ATP2B4: variants seen among roughly 807,000 people sequenced by gnomAD.
ATP2B4 encodes the protein ATPase plasma membrane Ca2+ transporting 4, also known as plasma membrane calcium-transporting ATPase 4.
A neutral mutation model predicts 110.3 loss-of-function variants in ATP2B4; 39 were observed. The ratio of observed to expected loss-of-function variants is 0.35; its 90% confidence interval spans 0.27 to 0.46. ATP2B4 has a LOEUF of 0.46. Ranked by LOEUF, ATP2B4 falls within the 20% of genes least tolerant of loss-of-function variation. The probability of loss-of-function intolerance (pLI) is 1.00; values close to 1 mark genes in which losing one functional copy is unlikely to be tolerated. For synonymous variants in ATP2B4, 538 were observed against 571.7 expected, an observed-to-expected ratio of 0.94 and a Z score of 0.84; for missense variants, 1,135 against 1,530.9, an observed-to-expected ratio of 0.74 and a Z score of 4.32.
At chr1:203,658,302 T>C (rs891335186) in intron 1 of ATP2B4, among the ~76,000 whole-genome samples, 1 of 151,306 alleles carries the variant, frequency 6.6e-6, no homozygotes, top group African/African-American at 2.4e-5. Context: ...GATGAAAGGA[T>C]CTTTTGAGCT....
chr1:203,643,862 T>C (rs1663709019), intron 1 of ATP2B4, among the ~76,000 whole-genome samples: 1 of 152,236 alleles, frequency 6.6e-6, no homozygotes, highest in Non-Finnish European at 1.5e-5. Context: ...CTCATCAGCC[T>C]GCAAGCTACT....
rs775405889 is a variant in ATP2B4, at chr1:203,709,453, A to G, written c.1710A>G (p.Ser570=). Residue 570 remains serine, a synonymous_variant, in exon 11 of 21, where the codon TCA becomes TCG. Transcript: ENST00000357681. Reference sequence around the variant, plus strand: ...TCTACAAGGTGTACACCTTTAACTCAGTGCGCAAGTCAATGAGCACCGTCA... The same window carrying G: ...TCTACAAGGTGTACACCTTTAACTCGGTGCGCAAGTCAATGAGCACCGTCA... The part of the protein sequence containing the change: ...EKLYKVYTFN[S]VRKSMSTVIR... The G allele has an allele frequency of 1.2e-6, 2 of 1,614,208 alleles. No individual in the cohort carries two copies. Among genetic ancestry groups the G allele is most frequent in the Non-Finnish European group, 1.7e-6 (2 of 1,180,042 alleles).
chr1:203,731,001 C>T (rs1666691170), intron 20 of ATP2B4, among the ~76,000 whole-genome samples: 2 of 152,222 alleles, frequency 1.3e-5, no homozygotes, highest in South Asian at 2.1e-4. Context: ...TTGTCATTCT[C>T]ATCGCAGTGC....
intron 7 of ATP2B4, 28 bp downstream of exon 7, chr1:203,702,107 T>A (rs1310700309): frequency 6.2e-7 from 1 of 1,613,330 alleles, no homozygotes; most frequent in Non-Finnish European, 8.5e-7. Flanking sequence ...TCATTTACCA[T>A]CTCTACCTGC....
At chr1:203,638,347 A>G (rs1314097606) in intron 1 of ATP2B4, among the ~76,000 whole-genome samples, 1 of 152,190 alleles carries the variant, frequency 6.6e-6, no homozygotes, top group Non-Finnish European at 1.5e-5. Flanking sequence ...CTTATGGACC[A>G]TTAGGATGAT....
chr1:203,639,173 G>T (rs1663552792), intron 1 of ATP2B4, among the ~76,000 whole-genome samples: 1 of 152,236 alleles, frequency 6.6e-6, no homozygotes, highest in Admixed American at 6.5e-5. Context: ...GACTAAGTCA[G>T]GTTGGCTGCT....
chr1:203,707,922 G>T lies in ATP2B4; in HGVS notation c.1375G>T (p.Ala459Ser). The T allele has an allele frequency of 6.2e-7, 1 of 1,614,140 alleles. No homozygotes were observed. The highest frequency in any genetic ancestry group is 8.5e-7 in the Non-Finnish European group (1 of 1,180,024). Residue 459 changes from alanine (A) to serine (S), a missense_variant, in exon 10 of 21, where the codon GCC becomes TCC. Ala to Ser is a moderately conservative substitution (Grantham distance 99). Transcript: ENST00000357681. ...GGATGCTTGTGAGACCATGGGCAAC[G>T]CCACCGCCATCTGCTCTGATAAGAC... ...HLDACETMGNATAICSDKTGT... is the reference protein window; with the variant it reads ...HLDACETMGNSTAICSDKTGT...
intron 18 of ATP2B4, among the ~76,000 whole-genome samples, chr1:203,723,029 T>C (rs2102217630): frequency 6.6e-6 from 1 of 152,350 alleles, no homozygotes; most frequent in South Asian, 2.1e-4. Context: ...TGTCAGCCTA[T>C]ATGAAATGTG....
chr1:203,663,682 G>A (rs1379962896), intron 1 of ATP2B4, among the ~76,000 whole-genome samples: 2 of 150,912 alleles, frequency 1.3e-5, no homozygotes, highest in Non-Finnish European at 2.9e-5. Context: ...ATAGCTTACC[G>A]CAGCTTCAAA....
At chr1:203,668,111 C>T (rs1322000186) in intron 1 of ATP2B4, among the ~76,000 whole-genome samples, 1 of 152,154 alleles carries the variant, frequency 6.6e-6, no homozygotes, top group African/African-American at 2.4e-5. Context: ...CAGCCTGTCA[C>T]CAGGGGTTGG....
intron 1 of ATP2B4, among the ~76,000 whole-genome samples, chr1:203,654,748 A>G (rs1403067610): frequency 6.6e-6 from 1 of 152,104 alleles, no homozygotes; most frequent in Non-Finnish European, 1.5e-5. Context: ...TTAGTCAGGC[A>G]TGGTGGTGTG....
chr1:203,714,330 G>T, intron 15 of ATP2B4, 53 bp downstream of exon 15: 1 of 1,599,794 alleles, frequency 6.3e-7, no homozygotes. Flanking sequence ...CCATCAGGAA[G>T]CCAGGTCCGG....
At chr1:203,637,734 C>T (rs750350158) in intron 1 of ATP2B4, among the ~76,000 whole-genome samples, 2 of 152,196 alleles carry the variant, frequency 1.3e-5, no homozygotes, top group Non-Finnish European at 2.9e-5. Flanking sequence ...CATTAGCCTT[C>T]CTGGCAACTG....
intron 20 of ATP2B4, among the ~76,000 whole-genome samples, chr1:203,730,655 C>T (rs1472500886): frequency 1.3e-5 from 2 of 152,180 alleles, no homozygotes; most frequent in Non-Finnish European, 2.9e-5. Flanking sequence ...ATGGGTCTTC[C>T]TTGCCCTCCA....
intron 20 of ATP2B4, among the ~76,000 whole-genome samples, chr1:203,729,050 G>A (rs780235004): frequency 4.0e-4 from 60 of 149,564 alleles, no homozygotes; most frequent in Non-Finnish European, 7.3e-4. Flanking sequence ...CCCAGGAGGC[G>A]GAGGTTGCAG....
intron 1 of ATP2B4, chr1:203,657,605 A>G: frequency 1.0e-6 from 1 of 975,222 alleles, no homozygotes; most frequent in African/African-American, 1.6e-5. Context: ...GGTAAAGCTT[A>G]GCCTTCAGAC....
chr1:203,711,193 A>T, intron 12 of ATP2B4, 85 bp downstream of exon 12: 1 of 1,222,702 alleles, frequency 8.2e-7, no homozygotes. Context: ...AGGTAACCTA[A>T]CTGCCTCTCA....
intron 19 of ATP2B4, among the ~76,000 whole-genome samples, chr1:203,724,997 C>T (rs1247229489): frequency 2.0e-5 from 3 of 151,460 alleles, no homozygotes; most frequent in African/African-American, 7.3e-5. Flanking sequence ...CCTGCCTCAG[C>T]CTCCCAAGTA....
chr1:203,642,714 C>T (rs1663668659), intron 1 of ATP2B4, among the ~76,000 whole-genome samples: 1 of 152,132 alleles, frequency 6.6e-6, no homozygotes, highest in Non-Finnish European at 1.5e-5. Context: ...CCTAGTTGGC[C>T]TTCCAATCCC....
Sources: gnomAD v4.1 joint callset for allele counts (sites outside exome capture counted in the v4.1 genomes callset) on GRCh38, gnomAD v4.1.1 for gene constraint, MANE v1.5 for transcripts, NCBI Gene and HGNC (gene_info 2026-07-23, HGNC 2026-07-21) for gene names.